The following NOTCH3 variants were observed in gnomAD, a reference collection of about 807,000 sequenced individuals.
The protein encoded by NOTCH3 is neurogenic locus notch homolog protein 3.
A neutral mutation model predicts 213.3 loss-of-function variants in NOTCH3; 86 were observed. The ratio of observed to expected loss-of-function variants is 0.40; its 90% CI spans 0.34 to 0.48. The LOEUF is 0.48. NOTCH3 is among the 20% of genes least tolerant of loss of function. The probability of loss-of-function intolerance (pLI) is 0.57; values close to 1 mark genes in which losing one functional copy is unlikely to be tolerated. For synonymous variants in NOTCH3, 1,354 were observed against 1,355.9 expected (o/e 1.00, Z 0.03); for missense variants, 2,783 against 3,272.6 (o/e 0.85, Z 3.65).
At chr19:15,200,591 C>T (rs1279155357) in intron 1 of NOTCH3, among the ~76,000 whole-genome samples, 197 bp downstream of exon 1, 2 of 152,076 alleles carry the variant, frequency 1.3e-5, no homozygotes, top group East Asian at 3.9e-4. Context: ...TCAAGGGTCC[C>T]TGTTCCTTGG....
In NOTCH3 at chr19:15,178,102, G is replaced by A. The variant is rs958232774; in HGVS notation, c.3838-12C>T. 6.8e-6 allele frequency: 10 copies of A among 1,471,768 alleles called. No homozygotes were observed. Among genetic ancestry groups the A allele is most frequent in the South Asian group, 3.6e-5 (3 of 82,596 alleles). The allele number at this position is 1,471,768 out of a possible 1,614,324, so 91.2% of individuals were successfully genotyped here. ...GGACCCCAGAACGGCTGGGGGTCGGGTTTGGGGAGGGAGGGATAAAAATGA... is the reference window on the plus strand; with the variant it reads ...GGACCCCAGAACGGCTGGGGGTCGGATTTGGGGAGGGAGGGATAAAAATGA... On this transcript the variant is annotated splice_polypyrimidine_tract_variant and intron_variant, in intron 23 of 32. Transcript: ENST00000263388.
rs577077765 is a variant in NOTCH3, at chr19:15,187,646, A to C, written c.1606+235T>G. ...GGAGCACATGGCAGGTGCCAGGGGA[A>C]GGTATTGGGCCCTCCCCATTCAGTT... On this transcript the variant is annotated intron_variant, in intron 10 of 32. Coordinates refer to ENST00000263388, the MANE Select transcript of NOTCH3 (RefSeq NM_000435.3). Among the ~76,000 whole-genome samples, 7 of 152,158 alleles carry C rather than the reference A, an allele frequency of 4.6e-5. 1 individual carries two copies. In the South Asian group the frequency reaches 1.5e-3, roughly 32 times the overall value.
Position 15,160,946 on chromosome 19 carries a change from T to C in NOTCH3, c.6682A>G (p.Ser2228Gly), listed in dbSNP as rs1362059064. The change falls in exon 33 of 33, where the codon AGC (serine) becomes GGC (glycine). Residue 2228 changes from serine (S) to glycine (G), a missense_variant. Ser to Gly is a moderately conservative substitution (Grantham distance 56). Coordinates refer to ENST00000263388, the MANE Select transcript of NOTCH3 (RefSeq NM_000435.3). ...GEEYPAAGAH[S>G]SPPKARFLRV... Reference sequence around the variant, plus strand: ...AGGAAGCGGGCCTTTGGGGGGCTGCTGTGTGCCCCAGCCGCCGGGTACTCC... The same window carrying C: ...AGGAAGCGGGCCTTTGGGGGGCTGCCGTGTGCCCCAGCCGCCGGGTACTCC... 2 of 1,594,708 alleles carry C rather than the reference T, an allele frequency of 1.3e-6. No individual in the cohort carries two copies. The highest frequency in any genetic ancestry group is 1.7e-6 in the Non-Finnish European group (2 of 1,170,480).
intron 17 of NOTCH3, among the ~76,000 whole-genome samples, 191 bp from the exon 18 acceptor site, chr19:15,181,353 G>A (rs1029006392): frequency 6.6e-6 from 1 of 152,200 alleles, no homozygotes; most frequent in African/African-American, 2.4e-5. Flanking sequence ...GCCCTAAGGT[G>A]AGAGCCACCT....
chr19:15,193,885 C>T (rs2046950718), intron 2 of NOTCH3, among the ~76,000 whole-genome samples: 1 of 151,804 alleles, frequency 6.6e-6, no homozygotes, highest in South Asian at 2.1e-4. Flanking sequence ...AGTTCAAGAC[C>T]AGCCTGGCCA....
rs1338257010 is a variant in NOTCH3, at chr19:15,189,431, G to C, written c.1037-3C>G. Reference sequence around the variant, plus strand: ...GTCATCCAGGTGACACAGGAGGCCTGGGAAGTGGTAAGCAGAAGTCATAGG... The same window carrying C: ...GTCATCCAGGTGACACAGGAGGCCTCGGAAGTGGTAAGCAGAAGTCATAGG... On this transcript the variant is annotated splice_region_variant and splice_polypyrimidine_tract_variant and intron_variant, in intron 6 of 32. Coordinates refer to ENST00000263388, the MANE Select transcript of NOTCH3 (RefSeq NM_000435.3). 6.2e-7 allele frequency: 1 copy of C among 1,613,658 alleles called. No homozygotes were observed. Among genetic ancestry groups the C allele is most frequent in the Non-Finnish European group, 8.5e-7 (1 of 1,180,038 alleles).
chr19:15,174,986 A>G (rs2046775688), intron 24 of NOTCH3, among the ~76,000 whole-genome samples: 1 of 152,006 alleles, frequency 6.6e-6, no homozygotes, highest in Non-Finnish European at 1.5e-5. Flanking sequence ...CCTGGACTCA[A>G]ATTATCCTCC....
At chr19:15,197,209 T>A (rs2046975608) in intron 2 of NOTCH3, among the ~76,000 whole-genome samples, 1 of 152,084 alleles carries the variant, frequency 6.6e-6, no homozygotes, top group South Asian at 2.1e-4. Context: ...GGCCAAGAAC[T>A]GTGAAGCTGG....
At chr19:15,193,115 T>C (rs987488168) in intron 2 of NOTCH3, among the ~76,000 whole-genome samples, 1 of 151,932 alleles carries the variant, frequency 6.6e-6, no homozygotes, top group Non-Finnish European at 1.5e-5. Context: ...CAGGGGGCGG[T>C]GAAAGCCATC....
chr19:15,170,218 C>T (rs1463826575), intron 27 of NOTCH3, 48 bp from the exon 28 acceptor site: 1 of 1,524,184 alleles, frequency 6.6e-7, no homozygotes, highest in East Asian at 2.3e-5. Context: ...CTAGAGGTGT[C>T]CAGCTGGGAA....
Position 15,188,361 on chromosome 19 carries a change from A to C in NOTCH3, c.1379-13T>G, listed in dbSNP as rs2046900906. ...GTTCCTGTGAAGCCTGGGGCAGGGA[A>C]TAGGGCTTAGGAAAGCGGGGGCTAC... On this transcript the variant is annotated splice_polypyrimidine_tract_variant and intron_variant, in intron 8 of 32. Coordinates refer to ENST00000263388, the MANE Select transcript of NOTCH3 (RefSeq NM_000435.3). The C allele has an allele frequency of 1.3e-6, 2 of 1,562,206 alleles. No individual in the cohort carries two copies. The highest frequency in any genetic ancestry group is 2.3e-5 in the South Asian group (2 of 87,034).
intron 2 of NOTCH3, among the ~76,000 whole-genome samples, chr19:15,197,232 C>A (rs1169111727): frequency 1.3e-5 from 2 of 152,126 alleles, no homozygotes; most frequent in Non-Finnish European, 2.9e-5. Flanking sequence ...TTACTGGGCC[C>A]ATTTTGCAGA....
intron 25 of NOTCH3, among the ~76,000 whole-genome samples, chr19:15,173,744 A>AAGAAGAAGAAGAAGAAG (rs1568351744): frequency 3.4e-4 from 1 of 2,946 alleles, no homozygotes; most frequent in African/African-American, 2.4e-3. Context: ...AAAAAAAAGA[A>AAGAAGAAGAAGAAGAAG]AAGAAGAAGG....
In NOTCH3 at chr19:15,174,157, C is replaced by A. The variant is rs561981488; in HGVS notation, c.4647G>T (p.Ala1549=). The part of the protein sequence containing the change: ...LRTSLRFRLD[A]HGQAMVFPYH... ...AAGGGAAGACCATGGCCTGGCCGTGCGCGTCCAGGCGGAAGCGCAGCGAGG... is the reference window on the plus strand; with the variant it reads ...AAGGGAAGACCATGGCCTGGCCGTGAGCGTCCAGGCGGAAGCGCAGCGAGG... The change falls in exon 25 of 33, where the codon GCG becomes GCT. Residue 1549 remains alanine, a synonymous_variant. Coordinates refer to ENST00000263388, the MANE Select transcript of NOTCH3 (RefSeq NM_000435.3). 1.2e-6 allele frequency: 2 copies of A among 1,609,276 alleles called. No homozygotes were observed. The highest frequency in any genetic ancestry group is 2.2e-5 in the South Asian group (2 of 90,942).
In NOTCH3 at chr19:15,177,747, G is replaced by C. The variant is rs1045825065; in HGVS notation, c.4181C>G (p.Ala1394Gly). ...GTCGCAGCGCTGGTCCCCGCGCTTGGCCTGGCAGGCGGCGCGCGGGCACCG... is the reference window on the plus strand; with the variant it reads ...GTCGCAGCGCTGGTCCCCGCGCTTGCCCTGGCAGGCGGCGCGCGGGCACCG... Reference protein sequence around the residue: ...EPRCPRAACQAKRGDQRCDRE... With the variant: ...EPRCPRAACQGKRGDQRCDRE... The change falls in exon 24 of 33, where the codon GCC becomes GGC. Residue 1394 changes from alanine (A) to glycine (G), a missense_variant. Coordinates refer to ENST00000263388, the MANE Select transcript of NOTCH3 (RefSeq NM_000435.3). The C allele has an allele frequency of 7.0e-7, 1 of 1,428,690 alleles. No homozygotes were observed. The highest frequency in any genetic ancestry group is 1.5e-5 in the South Asian group (1 of 68,838). 88.5% of individuals were successfully genotyped at this position (1,428,690 alleles called of 1,614,324 possible).
chr19:15,162,215 C>G, intron 32 of NOTCH3: 1 of 512,492 alleles, frequency 2.0e-6, no homozygotes, highest in South Asian at 2.1e-5. Flanking sequence ...CTCCTGAACT[C>G]AAGTAATCCA....
In NOTCH3 at chr19:15,187,162, C is replaced by T. The variant is rs770146452; in HGVS notation, c.1783G>A (p.Gly595Ser). The change falls in exon 11 of 33, where the codon GGC becomes AGC. Residue 595 changes from glycine to serine, a missense_variant. By Grantham distance (56) the Gly-to-Ser change is moderately conservative. This residue lies in a region of NOTCH3 where 708 missense variants were observed against 906.6 expected (regional missense o/e 0.78). Transcript: ENST00000263388. The part of the protein sequence containing the change: ...ECRSQPCRHG[G>S]KCLDLVDKYL... Reference sequence around the variant, plus strand: ...TTGTCCACCAGGTCTAGGCATTTGCCGCCATGGCGGCAGGGCTGGCTGCGG... The same window carrying T: ...TTGTCCACCAGGTCTAGGCATTTGCTGCCATGGCGGCAGGGCTGGCTGCGG... The T allele has an allele frequency of 4.3e-6, 7 of 1,614,026 alleles. No homozygotes were observed. The highest frequency in any genetic ancestry group is 1.7e-5 in the Admixed American group (1 of 60,004).
chr19:15,182,059 A>G (rs913946975), intron 16 of NOTCH3, among the ~76,000 whole-genome samples: 1 of 152,242 alleles, frequency 6.6e-6, no homozygotes, highest in Non-Finnish European at 1.5e-5. Context: ...AAACGCTGCT[A>G]ATTGTGCCTG....
Position 15,170,831 on chromosome 19 carries a change from GGGACAGCAGGGA to G in NOTCH3, c.4737-18_4737-7del. On this transcript the variant is annotated splice_polypyrimidine_tract_variant and splice_region_variant and intron_variant, in intron 25 of 32. Transcript: ENST00000263388. ...TCTCCAGCATTACTACCGAGCTGCA[GGGACAGCAGGGA>G]GGGACCAGAGGGCTCAAAAATTGCC... 6.2e-7 allele frequency: 1 copy of G among 1,612,930 alleles called. No homozygotes were observed. The highest frequency in any genetic ancestry group is 8.5e-7 in the Non-Finnish European group (1 of 1,179,888).
Sources: allele counts gnomAD v4.1 joint callset (sites outside exome capture counted in the v4.1 genomes callset), GRCh38; gene constraint gnomAD v4.1.1; regional missense constraint gnomAD v4.1.1; transcripts MANE v1.5; gene names NCBI Gene and HGNC (gene_info 2026-07-23, HGNC 2026-07-21).